MSH3: variants seen among roughly 807,000 people sequenced by gnomAD.
MSH3 encodes the protein DNA mismatch repair protein Msh3.
In MSH3, 106 loss-of-function variants were observed where a neutral mutation model predicts 123.3. That is an observed-to-expected ratio of 0.86 (90% CI 0.73 to 1.01). The LOEUF is 1.01. Among genes scored for constraint, MSH3 ranks in the 50% least tolerant of loss-of-function variants. The pLI, the probability that MSH3 is intolerant of heterozygous loss-of-function variation, is 0.00. For missense variants in MSH3, 1,459 were observed against 1,347.6 expected (o/e 1.08, Z -1.29); for synonymous variants, 515 against 481.4 (o/e 1.07, Z -0.91).
intron 8 of MSH3, among the ~76,000 whole-genome samples, chr5:80,699,886 C>T (rs1021645241): frequency 2.0e-5 from 3 of 152,150 alleles, no homozygotes; most frequent in Non-Finnish European, 4.4e-5. Context: ...GCACTAGCCT[C>T]CCCTCTGGCG....
intron 8 of MSH3, among the ~76,000 whole-genome samples, chr5:80,692,634 TTATA>T (rs1376642525): frequency 6.4e-5 from 9 of 139,604 alleles, no homozygotes; most frequent in Admixed American, 1.4e-4. Context: ...ATGTATATGT[TTATA>T]TATGTTTATA....
At chr5:80,745,022 A>G (rs1743689700) in intron 12 of MSH3, among the ~76,000 whole-genome samples, 1 of 152,174 alleles carries the variant, frequency 6.6e-6, no homozygotes, top group African/African-American at 2.4e-5. Context: ...GTTCATGGAG[A>G]GGTGCCCAGG....
chr5:80,677,370 T>A (rs1749865284), intron 7 of MSH3, among the ~76,000 whole-genome samples: 1 of 152,196 alleles, frequency 6.6e-6, no homozygotes. Flanking sequence ...ATAGATATTG[T>A]GGGTATTACA....
intron 7 of MSH3, among the ~76,000 whole-genome samples, chr5:80,677,197 G>T (rs755938417): frequency 3.7e-4 from 56 of 152,190 alleles, no homozygotes; most frequent in Non-Finnish European, 6.5e-4. Flanking sequence ...TGCCTGGTCA[G>T]TACCTGGGAG....
intron 22 of MSH3, among the ~76,000 whole-genome samples, chr5:80,867,095 C>T (rs1281452576): frequency 1.3e-5 from 2 of 152,154 alleles, no homozygotes; most frequent in African/African-American, 4.8e-5. Flanking sequence ...TTGCTGGCAT[C>T]CTAGGAGTTC....
At position 80,654,957 on chromosome 5, in the gene MSH3, C is replaced by G. The variant is rs1258205404; in HGVS notation, c.230C>G (p.Pro77Arg). 2 of 1,475,694 alleles carry G rather than the reference C, an allele frequency of 1.4e-6. No homozygotes were observed. Among genetic ancestry groups the G allele is most frequent in the African/African-American group, 1.5e-5 (1 of 67,522 alleles). The allele number at this position is 1,475,694 out of a possible 1,614,324, so 91.4% of individuals were successfully genotyped here. A position where few individuals can be genotyped will look rare whatever the true frequency, so the allele number is the denominator to read the frequency against. Reference sequence around the variant, plus strand: ...CCCGCCTTCCCGCCCCAGCTGCCGCCGCACATAGTAGGTTCTGTCTGGGAC... The same window carrying G: ...CCCGCCTTCCCGCCCCAGCTGCCGCGGCACATAGTAGGTTCTGTCTGGGAC... ...PAPAFPPQLPPHIATEIDRRK... is the reference protein window; with the variant it reads ...PAPAFPPQLPRHIATEIDRRK... Residue 77 changes from proline (P) to arginine (R), a missense_variant, in exon 1 of 24, where the codon CCG becomes CGG. Physicochemically the swap from Pro to Arg is moderately radical, Grantham distance 103 (BLOSUM62 -2). Coordinates refer to ENST00000265081, the MANE Select transcript of MSH3 (RefSeq NM_002439.5).
intron 22 of MSH3, among the ~76,000 whole-genome samples, chr5:80,871,227 C>T (rs1321927828): frequency 6.6e-6 from 1 of 152,150 alleles, no homozygotes; most frequent in Non-Finnish European, 1.5e-5. Context: ...AGAGTTACCT[C>T]AACTTGGGGT....
At chr5:80,659,619 G>A (rs915822333) in intron 2 of MSH3, among the ~76,000 whole-genome samples, 3 of 151,836 alleles carry the variant, frequency 2.0e-5, no homozygotes, top group Non-Finnish European at 4.4e-5. Context: ...TCTTTATTGT[G>A]GTAAAATATA....
At chr5:80,786,069 C>G (rs976111322) in intron 17 of MSH3, among the ~76,000 whole-genome samples, 1 of 151,694 alleles carries the variant, frequency 6.6e-6, no homozygotes, top group African/African-American at 2.4e-5. Flanking sequence ...GTGCAGCACA[C>G]CAGCATGGCA....
chr5:80,761,253 C>T (rs909248024), intron 12 of MSH3, among the ~76,000 whole-genome samples: 14 of 152,270 alleles, frequency 9.2e-5, no homozygotes, highest in Middle Eastern at 3.4e-3. Context: ...GTATGCTTCC[C>T]GCCTCACAGA....
intron 15 of MSH3, among the ~76,000 whole-genome samples, chr5:80,771,613 T>C (rs1057158690): frequency 6.6e-6 from 1 of 152,232 alleles, no homozygotes; most frequent in African/African-American, 2.4e-5. Flanking sequence ...TTTACATTTA[T>C]TGGTGCTTTT....
chr5:80,721,117 T>C (rs542636364), intron 8 of MSH3, among the ~76,000 whole-genome samples: 3 of 152,204 alleles, frequency 2.0e-5, no homozygotes, highest in African/African-American at 4.8e-5. Context: ...TCTTACAATA[T>C]ATATTAAAAT....
chr5:80,834,080 A>G (rs76767177), intron 20 of MSH3, among the ~76,000 whole-genome samples: 1,559 of 152,316 alleles, frequency 0.01, 12 homozygotes, highest in Non-Finnish European at 0.015. Context: ...TGACTGGTTC[A>G]TGAGCCAGTA....
chr5:80,794,379 G>C (rs886289247), intron 19 of MSH3, among the ~76,000 whole-genome samples: 1 of 152,126 alleles, frequency 6.6e-6, no homozygotes, highest in Non-Finnish European at 1.5e-5. Flanking sequence ...AGTAGGGAGG[G>C]TGGACAAAAT....
chr5:80,827,978 A>G (rs1745349906), intron 20 of MSH3, among the ~76,000 whole-genome samples: 2 of 152,178 alleles, frequency 1.3e-5, no homozygotes, highest in African/African-American at 4.8e-5. Flanking sequence ...TACACTTACC[A>G]CTGCCCCTGC....
chr5:80,781,660 G>A (rs936675141), intron 17 of MSH3, among the ~76,000 whole-genome samples: 12 of 151,932 alleles, frequency 7.9e-5, no homozygotes, highest in Admixed American at 7.2e-4. Flanking sequence ...TAGAGACAGG[G>A]TTTCTCTATG....
rs1009787495 is a variant in MSH3, at chr5:80,664,852, CCT to C, written c.359-286_359-285del. On this transcript the variant is annotated intron_variant, in intron 2 of 23. Transcript: ENST00000265081. The stretch of plus-strand genomic sequence containing the variant: ...TATCTCATTTGCAGTTGTTACCTCT[CCT>C]CTCTGTCCTTATGGGCTTATGTCTT... Among the ~76,000 whole-genome samples the C allele has an allele frequency of 1.3e-4, 19 of 151,784 alleles. 1 individual carries two copies. The highest frequency in any genetic ancestry group is 5.9e-5 in the Non-Finnish European group (4 of 67,990).
chr5:80,818,309 A>G (rs560043001), intron 20 of MSH3, among the ~76,000 whole-genome samples: 2 of 147,860 alleles, frequency 1.4e-5, no homozygotes, highest in Admixed American at 6.9e-5. Flanking sequence ...GTTAAACACC[A>G]CCATAGGGGT....
rs1743404044 is a variant in MSH3 at position 80,731,075 on chromosome 5, T to C, written c.1568+2110T>C. Among the ~76,000 whole-genome samples, 3 of 151,792 alleles carry C rather than the reference T, an allele frequency of 2.0e-5. No homozygotes were observed. The South Asian group carries it at 6.3e-4, about 32-fold the overall frequency. On this transcript the variant is annotated intron_variant, in intron 10 of 23. Coordinates refer to ENST00000265081, the MANE Select transcript of MSH3 (RefSeq NM_002439.5). ...ACGCCACCGCGCCCAGCTAATTTTTTGTATTTTTAGTAGAGACAGGGTTTC... is the reference window on the plus strand; with the variant it reads ...ACGCCACCGCGCCCAGCTAATTTTTCGTATTTTTAGTAGAGACAGGGTTTC...
Sources: allele counts gnomAD v4.1 joint callset (sites outside exome capture counted in the v4.1 genomes callset), GRCh38; gene constraint gnomAD v4.1.1; transcripts MANE v1.5; gene names NCBI Gene and HGNC (gene_info 2026-07-23, HGNC 2026-07-21).